Variants in LAMA3 observed in about 807,000 individuals in gnomAD.
LAMA3 encodes laminin subunit alpha 3.
LAMA3 carries 281 observed loss-of-function variants against 402.0 expected under a neutral mutation model. That is an observed-to-expected ratio of 0.70 (90% CI 0.63 to 0.77). The LOEUF is 0.77. LAMA3 is among the 30% of genes least tolerant of loss of function. LAMA3 has a pLI of 0.00. For synonymous variants in LAMA3, 1,431 were observed against 1,558.4 expected (o/e 0.92, Z 1.93); for missense variants, 3,840 against 4,215.5 (o/e 0.91, Z 2.47).
rs1326840204 is a variant in LAMA3 at position 23,918,699 on chromosome 18, G to A, written c.7923+2004G>A. Among the ~76,000 whole-genome samples, 3 of 152,176 alleles carry A rather than the reference G, an allele frequency of 2.0e-5. No homozygotes were observed. The highest frequency in any genetic ancestry group is 4.8e-5 in the African/African-American group (2 of 41,436). ...TAGCCGGCCTGGAGTTGAACCCTCC[G>A]GTGAATAGGAGCTTCTGTAGTTGCT... On this transcript the variant is annotated intron_variant, in intron 60 of 74. Coordinates refer to ENST00000313654, the MANE Select transcript of LAMA3 (RefSeq NM_198129.4). The surrounding 1 kb of genome is among the most constrained non-coding windows in gnomAD (Gnocchi z 4.1).
intron 2 of LAMA3, among the ~76,000 whole-genome samples, chr18:23,729,543 A>G (rs1218907911): frequency 6.6e-6 from 1 of 152,222 alleles, no homozygotes; most frequent in Non-Finnish European, 1.5e-5. Context: ...CTTTTGTGGT[A>G]GATAATCTTG....
chr18:23,708,244 C>T (rs2060926249), intron 1 of LAMA3, among the ~76,000 whole-genome samples: 1 of 152,170 alleles, frequency 6.6e-6, no homozygotes, highest in Non-Finnish European at 1.5e-5. Context: ...CTGTTTGTCT[C>T]ATTTTGCCTT....
At chr18:23,695,032 C>A (rs1286954065) in intron 1 of LAMA3, among the ~76,000 whole-genome samples, 3 of 152,182 alleles carry the variant, frequency 2.0e-5, no homozygotes, top group Non-Finnish European at 2.9e-5. Context: ...TTTAAAAGTA[C>A]CTGAATTTCA....
chr18:23,900,279 C>T (rs1193203917), intron 47 of LAMA3, among the ~76,000 whole-genome samples: 1 of 152,140 alleles, frequency 6.6e-6, no homozygotes, highest in Non-Finnish European at 1.5e-5. Flanking sequence ...CCATTTTGGC[C>T]AGGCTGGTCT....
chr18:23,867,100 G>A (rs996499044), intron 36 of LAMA3, among the ~76,000 whole-genome samples: 5 of 152,112 alleles, frequency 3.3e-5, no homozygotes, highest in Non-Finnish European at 7.4e-5. Flanking sequence ...GGAATTTTTC[G>A]CTCCACATGC....
At chr18:23,936,969 T>C (rs2082328442) in intron 67 of LAMA3, among the ~76,000 whole-genome samples, 1 of 152,194 alleles carries the variant, frequency 6.6e-6, no homozygotes, top group Admixed American at 6.5e-5. Context: ...GCTGAAAAGA[T>C]TAAAGATTAC....
rs1286158622 is a variant in LAMA3 at position 23,932,250 on chromosome 18, G to C, written c.8667G>C (p.Gly2889=). Residue 2889 remains glycine (G), a synonymous_variant, in exon 66 of 75, where the codon GGG becomes GGC. Coordinates refer to ENST00000313654, the MANE Select transcript of LAMA3 (RefSeq NM_198129.4). ...CCCGGCAGTCTCTGCGTCTGGGCGG[G>C]AGCAATTTTGAGGGTTGTATTAGCA... is the stretch of plus-strand genomic sequence containing the variant. The part of the protein sequence containing the change: ...SSSRQSLRLG[G]SNFEGCISNV... The C allele has an allele frequency of 6.2e-7, 1 of 1,614,090 alleles. No homozygotes were observed. Among genetic ancestry groups the C allele is most frequent in the South Asian group, 1.1e-5 (1 of 91,082 alleles).
rs991839393 is a variant in LAMA3, at chr18:23,879,255, C to T, written c.5113-2681C>T. ...CTGGGGGCTCTTTCTAGCTGCATCC[C>T]GCCCCCTTGCACTTCTGCCTTGGGC... On this transcript the variant is annotated intron_variant, in intron 39 of 74. Coordinates refer to ENST00000313654, the MANE Select transcript of LAMA3 (RefSeq NM_198129.4). The surrounding 1 kb of genome is among the most constrained non-coding windows in gnomAD (Gnocchi z 4.2). Among the ~76,000 whole-genome samples the T allele has an allele frequency of 1.3e-5, 2 of 152,204 alleles. No homozygotes were observed. Among genetic ancestry groups the T allele is most frequent in the African/African-American group, 2.4e-5 (1 of 41,446 alleles).
At position 23,846,522 on chromosome 18, in the gene LAMA3, T is replaced by TGGGCTGGCATGGGCACTG; in HGVS notation, c.3931+14_3931+15insGGGCTGGCATGGGCACTG. On this transcript the variant is annotated intron_variant, in intron 31 of 74. Transcript: ENST00000313654. ...CACGCTGCAAGCGTAAGTGCACGTT[T>TGGGCTGGCATGGGCACTG]CCCATCACCCAAGTTCTGCTCTGGT... 1.3e-6 allele frequency: 2 copies of TGGGCTGGCATGGGCACTG among 1,598,850 alleles called. No homozygotes were observed. Among genetic ancestry groups the TGGGCTGGCATGGGCACTG allele is most frequent in the Non-Finnish European group, 1.7e-6 (2 of 1,178,060 alleles).
intron 25 of LAMA3, among the ~76,000 whole-genome samples, chr18:23,837,548 A>C (rs2063608062): frequency 1.8e-5 from 2 of 110,804 alleles, no homozygotes; most frequent in African/African-American, 3.2e-5. Context: ...CTATTTCAAA[A>C]AGAATATCAT....
At chr18:23,730,542 A>AT (rs750186231) in intron 2 of LAMA3, among the ~76,000 whole-genome samples, 6 of 151,382 alleles carry the variant, frequency 4.0e-5, no homozygotes, top group Non-Finnish European at 8.8e-5. Flanking sequence ...TAATTTTTGT[A>AT]TTTTTGTAGA....
chr18:23,873,339 G>C, intron 38 of LAMA3: 1 of 882,162 alleles, frequency 1.1e-6, no homozygotes, highest in East Asian at 2.4e-5. Context: ...TGGCCTCCCA[G>C]TCACCTTGAC....
intron 8 of LAMA3, among the ~76,000 whole-genome samples, chr18:23,772,604 T>C (rs755636427): frequency 2.6e-5 from 4 of 152,210 alleles, no homozygotes; most frequent in Non-Finnish European, 5.9e-5. Context: ...TTTTAGCCTA[T>C]GGGAAAATGA....
At chr18:23,811,627 T>C (rs1054973348) in intron 13 of LAMA3, among the ~76,000 whole-genome samples, 4 of 152,158 alleles carry the variant, frequency 2.6e-5, no homozygotes, top group African/African-American at 9.7e-5. Context: ...ATGGCAATGT[T>C]TGTGTCCTGG....
At chr18:23,933,984 C>T (rs759533803) in intron 67 of LAMA3, 49 bp downstream of exon 67, 7 of 1,582,828 alleles carry the variant, frequency 4.4e-6, no homozygotes, top group East Asian at 4.5e-5. Context: ...TGGAGGATTC[C>T]CCTGAGCCTG....
At chr18:23,878,545 C>T (rs1335916911) in intron 39 of LAMA3, among the ~76,000 whole-genome samples, 13 of 152,230 alleles carry the variant, frequency 8.5e-5, no homozygotes, top group Non-Finnish European at 1.8e-4. Flanking sequence ...ACTCAGCTAA[C>T]GGCTCCGTGG....
intron 1 of LAMA3, among the ~76,000 whole-genome samples, chr18:23,697,466 A>T (rs1212338982): frequency 6.6e-6 from 1 of 152,150 alleles, no homozygotes; most frequent in Non-Finnish European, 1.5e-5. Flanking sequence ...CTCCCTTATC[A>T]GGAGCCTTGG....
rs558972390 is a variant in LAMA3, at chr18:23,945,269, G to A, written c.9211-875G>A. Among the ~76,000 whole-genome samples, 10 of 152,376 alleles carry A rather than the reference G, an allele frequency of 6.6e-5. No homozygotes were observed. In the East Asian group the frequency reaches 1.9e-3, roughly 29 times the overall value. ...GGCTGCTATTGCCTTTGCTTGCGGAGGCTGTGGGGAGGTCGGGAGAAGTGA... is the reference window on the plus strand; with the variant it reads ...GGCTGCTATTGCCTTTGCTTGCGGAAGCTGTGGGGAGGTCGGGAGAAGTGA... On this transcript the variant is annotated intron_variant, in intron 69 of 74. Coordinates refer to ENST00000313654, the MANE Select transcript of LAMA3 (RefSeq NM_198129.4).
Position 23,846,483 on chromosome 18 carries a change from C to T in LAMA3, c.3906C>T (p.Gly1302=). The change falls in exon 31 of 75, where the codon GGC becomes GGT. Residue 1302 remains glycine, a synonymous_variant. Coordinates refer to ENST00000313654, the MANE Select transcript of LAMA3 (RefSeq NM_198129.4). ...GGCAGTGCACCCGCTGTGCAACAGG[C>T]CACTACGGATTCCCACGCTGCAAGC... ...IGRQCTRCAT[G]HYGFPRCKPC... is the part of the protein sequence containing the mutation. The T allele has an allele frequency of 2.5e-6, 4 of 1,611,418 alleles. No homozygotes were observed. The South Asian group carries it at 4.4e-5, about 18-fold the overall frequency.
Sources: allele counts gnomAD v4.1 joint callset (sites outside exome capture counted in the v4.1 genomes callset), GRCh38; gene constraint gnomAD v4.1.1; non-coding constraint Gnocchi (gnomAD v3.1); transcripts MANE v1.5; gene names NCBI Gene and HGNC (gene_info 2026-07-23, HGNC 2026-07-21).